The following ZFR variants were observed in gnomAD, a reference collection of about 807,000 sequenced individuals.
The protein encoded by ZFR is zinc finger RNA-binding protein.
Under a neutral mutation model 130.7 loss-of-function variants are expected in ZFR, and 19 were observed. That is an observed-to-expected ratio of 0.15 (90% CI 0.10 to 0.21). The LOEUF (loss-of-function observed/expected upper bound fraction) is 0.21, where lower values mean the gene tolerates loss of function less well. Among genes scored for constraint, ZFR ranks in the 10% least tolerant of loss-of-function variants. The probability of loss-of-function intolerance (pLI) is 1.00; values close to 1 mark genes in which losing one functional copy is unlikely to be tolerated. For synonymous variants in ZFR, 466 were observed against 456.9 expected, an observed-to-expected ratio of 1.02 and a Z score of -0.25; for missense variants, 872 against 1,321.5, an observed-to-expected ratio of 0.66 and a Z score of 5.27.
At chr5:32,420,938 T>C (rs770403331) in intron 2 of ZFR, among the ~76,000 whole-genome samples, 1 of 152,198 alleles carries the variant, frequency 6.6e-6, no homozygotes, top group African/African-American at 2.4e-5. Flanking sequence ...AAATATATAA[T>C]AGCATGTTTT....
At chr5:32,364,843 G>A (rs1395960434) in intron 17 of ZFR, 1 of 152,160 alleles carries the variant, frequency 6.6e-6, no homozygotes, top group Non-Finnish European at 1.5e-5. Flanking sequence ...TTTAAAAATT[G>A]AGATATAATT....
intron 11 of ZFR, among the ~76,000 whole-genome samples, chr5:32,392,720 C>T (rs1332734136): frequency 6.6e-6 from 1 of 152,156 alleles, no homozygotes; most frequent in Non-Finnish European, 1.5e-5. Context: ...TAAGGCCAGT[C>T]GTGGTGGCTC....
rs372325061 is a variant in ZFR, at chr5:32,354,556, G to C, written c.*1204C>G. 5 of 152,600 alleles carry C rather than the reference G, an allele frequency of 3.3e-5. No individual in the cohort carries two copies. Among genetic ancestry groups the C allele is most frequent in the African/African-American group, 7.2e-5 (3 of 41,422 alleles). The allele number at this position is 152,600 out of a possible 1,614,324, so 9.5% of individuals were successfully genotyped here. A position where few individuals can be genotyped will look rare whatever the true frequency, so the allele number is the denominator to read the frequency against. On this transcript the variant is annotated 3_prime_UTR_variant, in exon 20 of 20. Transcript: ENST00000265069. The stretch of plus-strand genomic sequence containing the variant: ...AGATGTAATTTTTCATTACATCACT[G>C]CTAGAATATTTAGCTTTGTGTAGGA...
rs370556222 is a variant in ZFR, at chr5:32,378,755, ATACAT to A, written c.2835+355_2835+359del. On this transcript the variant is annotated intron_variant, in intron 17 of 19. Transcript: ENST00000265069. ...CTGAATTTTTACAGTTCCCAACCAC[ATACAT>A]TATTTTAAAAAATGTCCCTGCATAA... Among the ~76,000 whole-genome samples, 337 of 152,168 alleles carry A rather than the reference ATACAT, an allele frequency of 2.2e-3. 3 individuals carry two copies. Among genetic ancestry groups the A allele is most frequent in the Non-Finnish European group, 3.8e-3 (255 of 67,986 alleles).
At chr5:32,442,511 A>G (rs948877172) in intron 2 of ZFR, among the ~76,000 whole-genome samples, 1 of 152,224 alleles carries the variant, frequency 6.6e-6, no homozygotes, top group Non-Finnish European at 1.5e-5. Flanking sequence ...TAAGCAAACG[A>G]TTTGCTAATA....
At chr5:32,429,326 T>C (rs533612089) in intron 2 of ZFR, among the ~76,000 whole-genome samples, 1 of 152,288 alleles carries the variant, frequency 6.6e-6, no homozygotes, top group South Asian at 2.1e-4. Context: ...AGGAAACTTT[T>C]TCCTATATCA....
chr5:32,403,488 T>C (rs1457395662), intron 7 of ZFR, 91 bp from the exon 8 acceptor site: 2 of 1,449,100 alleles, frequency 1.4e-6, no homozygotes, highest in African/African-American at 2.8e-5. Flanking sequence ...ATCTAAACCA[T>C]GCTTTTCTTT....
intron 17 of ZFR, among the ~76,000 whole-genome samples, chr5:32,370,339 GAGAGAGAGAGAGAGAC>G (rs1464664908): frequency 0.074 from 115 of 1,554 alleles, 1 homozygote; most frequent in African/African-American, 0.068. Flanking sequence ...GAGAGAGAGA[GAGAGAGAGAGAGAGAC>G]AGACAGACAG....
rs562954510 is a variant in ZFR at position 32,424,490 on chromosome 5, G to A, written c.138-4387C>T. 4.7e-5 allele frequency among the ~76,000 whole-genome samples: 7 copies of A among 149,084 alleles called. No individual in the cohort carries two copies. The East Asian group carries it at 7.9e-4, about 17-fold the overall frequency. On this transcript the variant is annotated intron_variant, in intron 2 of 19. Transcript: ENST00000265069. ...AGCTTGCAGTGAGCCGAGATCGCGC[G>A]CCACTGCAGTCTCACCTGGGTGAAA... is the stretch of plus-strand genomic sequence containing the variant.
At chr5:32,443,095 G>A (rs1463466478) in intron 2 of ZFR, among the ~76,000 whole-genome samples, 2 of 151,178 alleles carry the variant, frequency 1.3e-5, no homozygotes, top group African/African-American at 4.9e-5. Context: ...CGGGTCTTCT[G>A]GCTCCCAATG....
At chr5:32,400,520 G>A (rs1753426125) in intron 8 of ZFR, among the ~76,000 whole-genome samples, 1 of 152,186 alleles carries the variant, frequency 6.6e-6, no homozygotes, top group Admixed American at 6.5e-5. Flanking sequence ...TTCTTGGCAA[G>A]TGACTGAAAT....
At chr5:32,376,957 C>A (rs1321566628) in intron 17 of ZFR, among the ~76,000 whole-genome samples, 4 of 97,940 alleles carry the variant, frequency 4.1e-5, no homozygotes, top group African/African-American at 1.3e-4. Flanking sequence ...CCAGCCTGGG[C>A]GACAAGCTGT....
intron 2 of ZFR, among the ~76,000 whole-genome samples, 162 bp downstream of exon 2, chr5:32,444,067 G>A (rs1444964145): frequency 6.7e-6 from 1 of 148,490 alleles, no homozygotes; most frequent in Non-Finnish European, 1.5e-5. Flanking sequence ...AGGCGGGGCG[G>A]GGCGGGGCGG....
intron 2 of ZFR, among the ~76,000 whole-genome samples, chr5:32,426,262 AAC>A (rs1479465226): frequency 1.3e-5 from 2 of 152,160 alleles, no homozygotes; most frequent in Non-Finnish European, 2.9e-5. Flanking sequence ...TGTTTTCTTT[AAC>A]AGTTTAAAAT....
At chr5:32,434,782 G>C (rs1438604721) in intron 2 of ZFR, among the ~76,000 whole-genome samples, 1 of 151,968 alleles carries the variant, frequency 6.6e-6, no homozygotes, top group Non-Finnish European at 1.5e-5. Context: ...TCTTTGGAAG[G>C]CCTCTAAGAA....
intron 15 of ZFR, among the ~76,000 whole-genome samples, chr5:32,383,011 A>T (rs920214965): frequency 2.0e-5 from 3 of 152,340 alleles, no homozygotes; most frequent in Admixed American, 2.0e-4. Flanking sequence ...TTAAGGGGTT[A>T]ATCACCAATT....
At chr5:32,386,170 C>T (rs1374648747) in intron 14 of ZFR, among the ~76,000 whole-genome samples, 1 of 152,038 alleles carries the variant, frequency 6.6e-6, no homozygotes, top group African/African-American at 2.4e-5. Context: ...AAACTACATA[C>T]AGTATTTCCA....
chr5:32,425,374 T>C (rs565090953), intron 2 of ZFR, among the ~76,000 whole-genome samples: 1 of 151,942 alleles, frequency 6.6e-6, no homozygotes, highest in South Asian at 2.1e-4. Context: ...TTAATCCAAA[T>C]AATTTACTGC....
intron 2 of ZFR, among the ~76,000 whole-genome samples, chr5:32,422,914 A>T (rs1753988054): frequency 6.6e-6 from 1 of 151,922 alleles, no homozygotes; most frequent in Non-Finnish European, 1.5e-5. Flanking sequence ...AGCAATTATT[A>T]CAGAGTACAC....
Sources: allele counts gnomAD v4.1 joint callset (sites outside exome capture counted in the v4.1 genomes callset), GRCh38; gene constraint gnomAD v4.1.1; transcripts MANE v1.5; gene names NCBI Gene and HGNC (gene_info 2026-07-23, HGNC 2026-07-21).